The following KALRN variants were observed in gnomAD, a reference collection of about 807,000 sequenced individuals.
KALRN encodes the protein kalirin.
A neutral mutation model predicts 353.7 loss-of-function variants in KALRN; 70 were observed. The ratio of observed to expected loss-of-function variants is 0.20; its 90% CI spans 0.16 to 0.24. The LOEUF is 0.24. KALRN is among the 10% of genes least tolerant of loss of function. The pLI, the probability that KALRN is intolerant of heterozygous loss-of-function variation, is 1.00. For missense variants in KALRN, 2,791 were observed against 3,756.7 expected (o/e 0.74, Z 6.72); for synonymous variants, 1,391 against 1,434.8 (o/e 0.97, Z 0.69).
At chr3:124,052,286 A>G (rs9869001) in intron 1 of KALRN, among the ~76,000 whole-genome samples, 5,880 of 152,212 alleles carry the variant, frequency 0.039, 354 homozygotes, top group African/African-American at 0.13. Flanking sequence ...TGGTTCTCAG[A>G]ATCTTTTCAA....
chr3:124,083,406 A>G (rs1375986664), intron 1 of KALRN, among the ~76,000 whole-genome samples: 1 of 152,160 alleles, frequency 6.6e-6, no homozygotes, highest in South Asian at 2.1e-4. Flanking sequence ...ATTAACACAG[A>G]TAGCTAGATG....
chr3:124,255,336 T>G (rs1266169038), intron 3 of KALRN, among the ~76,000 whole-genome samples: 2 of 152,208 alleles, frequency 1.3e-5, no homozygotes, highest in South Asian at 2.1e-4. Flanking sequence ...TTCTTAAGAC[T>G]TATCATAACT....
At chr3:124,237,366 C>CTTTTT (rs551869197) in intron 3 of KALRN, among the ~76,000 whole-genome samples, 2 of 135,630 alleles carry the variant, frequency 1.5e-5, no homozygotes, top group African/African-American at 2.7e-5. Context: ...TCATTTGATG[C>CTTTTT]TTTTTTTTTT....
intron 50 of KALRN, among the ~76,000 whole-genome samples, 197 bp from the exon 51 acceptor site, chr3:124,679,261 C>T (rs1301539534): frequency 6.6e-6 from 1 of 152,222 alleles, no homozygotes. Flanking sequence ...TTGTACACAA[C>T]CCCCGCCTCC....
chr3:124,340,373 A>G (rs2081569819), intron 9 of KALRN, among the ~76,000 whole-genome samples: 1 of 151,918 alleles, frequency 6.6e-6, no homozygotes, highest in Non-Finnish European at 1.5e-5. Context: ...ACACAATAAA[A>G]CTAGCTGGGT....
rs1386584872 is a variant in KALRN at position 124,298,798 on chromosome 3, A to T, written c.977A>T (p.Asp326Val). ...LFEQDAEKMF[D>V]WISHNKELFL... ...CCTTCTTGTCCTCTCTAGATGTTTG[A>T]CTGGATAAGCCACAACAAGGAGTTA... Residue 326 changes from aspartate to valine, a missense_variant, in exon 6 of 60, where the codon GAC becomes GTC. By Grantham distance (152) the Asp-to-Val change is radical. Around this residue, in one of 11 missense-constraint regions of KALRN, gnomAD observed 366 missense variants for 489.2 expected, o/e 0.75. Coordinates refer to ENST00000682506, the MANE Select transcript of KALRN (RefSeq NM_001388419.1). 1.2e-6 allele frequency: 2 copies of T among 1,613,984 alleles called. No homozygotes were observed. The highest frequency in any genetic ancestry group is 1.7e-6 in the Non-Finnish European group (2 of 1,179,988).
intron 9 of KALRN, among the ~76,000 whole-genome samples, chr3:124,338,575 A>C (rs2081364154): frequency 6.6e-6 from 1 of 152,180 alleles, no homozygotes; most frequent in African/African-American, 2.4e-5. Flanking sequence ...CAATTTTAGA[A>C]TAAGTGCGAT....
intron 1 of KALRN, among the ~76,000 whole-genome samples, chr3:124,109,020 C>T (rs888509973): frequency 2.6e-5 from 4 of 152,144 alleles, no homozygotes; most frequent in Admixed American, 1.3e-4. Flanking sequence ...ACTTCTCCTC[C>T]TGCTTCTCCT....
intron 17 of KALRN, among the ~76,000 whole-genome samples, chr3:124,436,585 A>G (rs1291271497): frequency 1.4e-5 from 2 of 147,674 alleles, no homozygotes; most frequent in African/African-American, 5.0e-5. Context: ...AAGTTTGGTG[A>G]CAGATCTTCT....
chr3:124,565,751 GCTGGGGCTGC>G (rs1441474898), intron 34 of KALRN, among the ~76,000 whole-genome samples: 3 of 152,166 alleles, frequency 2.0e-5, no homozygotes, highest in African/African-American at 7.2e-5. Flanking sequence ...CTCCCTCCCT[GCTGGGGCTGC>G]CACATGTGCA....
At position 124,438,936 on chromosome 3, in the gene KALRN, G is replaced by T. The variant is rs922061791; in HGVS notation, c.3097G>T (p.Asp1033Tyr). The T allele has an allele frequency of 1.2e-6, 2 of 1,613,570 alleles. No individual in the cohort carries two copies. The highest frequency in any genetic ancestry group is 1.7e-6 in the Non-Finnish European group (2 of 1,179,642). Residue 1033 changes from aspartate (D) to tyrosine (Y), a missense_variant, in exon 18 of 60, where the codon GAC (aspartate) becomes TAC (tyrosine). This residue lies in a region of KALRN where 452 missense variants were observed against 575.8 expected (regional missense o/e 0.78). Coordinates refer to ENST00000682506, the MANE Select transcript of KALRN (RefSeq NM_001388419.1). ...SLEQEYRRDE[D>Y]WCGGRDKLGP... ...AGAGCAAGAATACCGGAGAGATGAG[G>T]ACTGGTGTGGTGGACGAGATAAGCT... is the stretch of plus-strand genomic sequence containing the variant.
chr3:124,492,464 T>C (rs1398015482), intron 31 of KALRN, among the ~76,000 whole-genome samples: 3 of 152,184 alleles, frequency 2.0e-5, no homozygotes, highest in Admixed American at 2.0e-4. Flanking sequence ...AGGGCAGATA[T>C]CAGGATTGGT....
intron 2 of KALRN, among the ~76,000 whole-genome samples, chr3:124,234,409 A>G (rs896987061): frequency 6.6e-6 from 1 of 152,204 alleles, no homozygotes; most frequent in African/African-American, 2.4e-5. Context: ...AGAGGTCTAT[A>G]AAGAGAAGTA....
intron 30 of KALRN, among the ~76,000 whole-genome samples, 165 bp downstream of exon 30, chr3:124,491,049 C>T (rs1205589935): frequency 2.0e-5 from 3 of 152,096 alleles, no homozygotes; most frequent in East Asian, 3.9e-4. Context: ...ACTCACCTCC[C>T]ACGTCTGCAT....
At chr3:124,713,212 C>A in intron 58 of KALRN, 77 bp downstream of exon 58, 3 of 1,285,110 alleles carry the variant, frequency 2.3e-6, no homozygotes, top group Admixed American at 2.2e-5. Context: ...ATGGAAAAGA[C>A]AGTTACATTT....
rs60579271 is a variant in KALRN, at chr3:124,181,076, C to CAA, written c.74-46890_74-46889dup. ...CAAAACCCCATCTCTACTAAAAATACAAAAAAAAAAAAAAAAAAAAAAAAA... is the reference window on the plus strand; with the variant it reads ...CAAAACCCCATCTCTACTAAAAATACAAAAAAAAAAAAAAAAAAAAAAAAAAA... On this transcript the variant is annotated intron_variant, in intron 1 of 59. Coordinates refer to ENST00000682506, the MANE Select transcript of KALRN (RefSeq NM_001388419.1). Among the ~76,000 whole-genome samples the CAA allele has an allele frequency of 5.1e-3, 284 of 55,240 alleles. 9 individuals are homozygous for CAA. Among genetic ancestry groups the CAA allele is most frequent in the African/African-American group, 0.017 (222 of 13,392 alleles). 36.2% of individuals were successfully genotyped at this position (55,240 alleles called of 152,430 possible).
intron 6 of KALRN, among the ~76,000 whole-genome samples, chr3:124,305,828 A>T (rs2077643270): frequency 6.6e-6 from 1 of 152,226 alleles, no homozygotes; most frequent in South Asian, 2.1e-4. Flanking sequence ...CAACAAAAAA[A>T]TTATGACACA....
intron 3 of KALRN, among the ~76,000 whole-genome samples, chr3:124,261,499 G>T (rs1251646110): frequency 6.6e-6 from 1 of 152,150 alleles, no homozygotes; most frequent in Non-Finnish European, 1.5e-5. Context: ...ATTAGATTAG[G>T]TCACAGCACT....
intron 3 of KALRN, 23 bp downstream of exon 3, chr3:124,234,966 G>A: frequency 1.3e-6 from 2 of 1,547,206 alleles, no homozygotes; most frequent in South Asian, 1.2e-5. Flanking sequence ...GGAATGGCCT[G>A]CAGGGGAGCG....
Sources: gnomAD v4.1 joint callset for allele counts (sites outside exome capture counted in the v4.1 genomes callset) on GRCh38, gnomAD v4.1.1 for gene constraint, gnomAD v4.1.1 regional missense constraint, MANE v1.5 for transcripts, NCBI Gene and HGNC (gene_info 2026-07-23, HGNC 2026-07-21) for gene names.